The following DHRS7B variants were observed in gnomAD, a reference collection of about 807,000 sequenced individuals.
DHRS7B encodes dehydrogenase/reductase 7B.
Under a neutral mutation model 26.4 loss-of-function variants are expected in DHRS7B, and 24 were observed. The observed-to-expected ratio is 0.91, with a 90% CI of 0.66 to 1.28. The LOEUF (loss-of-function observed/expected upper bound fraction) is 1.28, where lower values mean the gene tolerates loss of function less well. Among genes scored for constraint, DHRS7B ranks in the 50% most tolerant of loss-of-function variants. The pLI is 0.00. For missense variants in DHRS7B, 368 were observed against 419.4 expected (o/e 0.88, Z 1.07); for synonymous variants, 142 against 166.4 (o/e 0.85, Z 1.13).
At chr17:21,176,265 G>C (rs954423678) in intron 2 of DHRS7B, among the ~76,000 whole-genome samples, 1 of 152,016 alleles carries the variant, frequency 6.6e-6, no homozygotes, top group Non-Finnish European at 1.5e-5. Flanking sequence ...TGAGATTACA[G>C]GCATGAGCCA....
At chr17:21,138,066 T>TTAAAAC (rs71357468) in intron 1 of DHRS7B, among the ~76,000 whole-genome samples, 1 of 35,230 alleles carries the variant, frequency 2.8e-5, no homozygotes, top group Non-Finnish European at 4.8e-5. Context: ...CGGCCTCTTT[T>TTAAAAC]AAAAAAAAAA....
chr17:21,176,225 C>A (rs1033779223), intron 2 of DHRS7B, among the ~76,000 whole-genome samples: 2 of 151,978 alleles, frequency 1.3e-5, no homozygotes, highest in Non-Finnish European at 2.9e-5. Context: ...TGGGCTCAAG[C>A]GATCCTTCTG....
chr17:21,172,950 C>T (rs1430579360), intron 2 of DHRS7B, among the ~76,000 whole-genome samples: 3 of 152,232 alleles, frequency 2.0e-5, no homozygotes, highest in Non-Finnish European at 4.4e-5. Flanking sequence ...TGCACATGCA[C>T]ACACCATACC....
rs142980638 is a variant in DHRS7B, at chr17:21,152,705, A to G, written c.21-19313A>G. Among the ~76,000 whole-genome samples the G allele has an allele frequency of 1.9e-3, 296 of 152,264 alleles. 6 individuals are homozygous for G. The East Asian group carries it at 0.04, about 20-fold the overall frequency. On this transcript the variant is annotated intron_variant, in intron 1 of 6. Transcript: ENST00000395511. ...ACAATGCCTGCCCTCAGGAGAAACTATTTTACCAGAGTCTAACTTACTTTG... is the reference window on the plus strand; with the variant it reads ...ACAATGCCTGCCCTCAGGAGAAACTGTTTTACCAGAGTCTAACTTACTTTG...
chr17:21,150,681 A>T (rs1378986212), intron 1 of DHRS7B, among the ~76,000 whole-genome samples: 3 of 152,242 alleles, frequency 2.0e-5, no homozygotes, highest in Non-Finnish European at 2.9e-5. Context: ...AGTCTGTGAC[A>T]GACATGCCGA....
chr17:21,129,316 C>T (rs1344519226), intron 1 of DHRS7B, among the ~76,000 whole-genome samples: 4 of 151,940 alleles, frequency 2.6e-5, no homozygotes, highest in Admixed American at 6.6e-5. Context: ...ACTTAAAGGA[C>T]TGAGTTGGAG....
At chr17:21,141,296 A>G (rs1973503640) in intron 1 of DHRS7B, among the ~76,000 whole-genome samples, 1 of 152,150 alleles carries the variant, frequency 6.6e-6, no homozygotes, top group African/African-American at 2.4e-5. Context: ...TCATTAACAT[A>G]TGAAAACAGC....
chr17:21,181,104 A>C (rs1375166716), intron 3 of DHRS7B, among the ~76,000 whole-genome samples: 1 of 152,142 alleles, frequency 6.6e-6, no homozygotes, highest in African/African-American at 2.4e-5. Context: ...TATTATTTTT[A>C]GAGACATAGT....
chr17:21,189,338 A>T (rs1974724866), intron 6 of DHRS7B, among the ~76,000 whole-genome samples: 1 of 152,188 alleles, frequency 6.6e-6, no homozygotes, highest in Non-Finnish European at 1.5e-5. Flanking sequence ...CAGCACCTTC[A>T]TCTTGTCTCA....
intron 1 of DHRS7B, among the ~76,000 whole-genome samples, chr17:21,138,307 T>G (rs1973413012): frequency 7.5e-6 from 1 of 133,086 alleles, no homozygotes; most frequent in African/African-American, 2.8e-5. Context: ...AGCTCCAAGC[T>G]CCGCCTCCCG....
intron 1 of DHRS7B, among the ~76,000 whole-genome samples, chr17:21,168,048 G>C (rs1278813549): frequency 2.0e-5 from 3 of 152,182 alleles, no homozygotes; most frequent in African/African-American, 7.2e-5. Context: ...ACAGCAAGGT[G>C]GTGGGGCTTT....
intron 1 of DHRS7B, among the ~76,000 whole-genome samples, chr17:21,134,150 A>G (rs1439269697): frequency 6.6e-6 from 1 of 152,246 alleles, no homozygotes; most frequent in African/African-American, 2.4e-5. Flanking sequence ...CTAGACTCCA[A>G]CAACAGGTTT....
At chr17:21,187,094 G>GAT (rs147554727) in intron 5 of DHRS7B, among the ~76,000 whole-genome samples, 84,143 of 142,994 alleles carry the variant, frequency 0.59, 26,452 homozygotes, top group South Asian at 0.73. Context: ...TGTATTAAAA[G>GAT]ATATATATAT....
At chr17:21,129,717 A>AAAG (rs1242082857) in intron 1 of DHRS7B, among the ~76,000 whole-genome samples, 2 of 151,210 alleles carry the variant, frequency 1.3e-5, no homozygotes, top group Non-Finnish European at 2.9e-5. Context: ...AAAAAAAAAA[A>AAAG]AAAAAAAGAA....
intron 1 of DHRS7B, among the ~76,000 whole-genome samples, chr17:21,129,719 A>G (rs935798668): frequency 3.3e-5 from 5 of 149,766 alleles, no homozygotes; most frequent in Admixed American, 6.6e-5. Flanking sequence ...AAAAAAAAAA[A>G]AAAAAGAAAA....
At chr17:21,140,964 C>T (rs140068273) in intron 1 of DHRS7B, among the ~76,000 whole-genome samples, 1 of 152,118 alleles carries the variant, frequency 6.6e-6, no homozygotes, top group African/African-American at 2.4e-5. Flanking sequence ...TCAATATGTG[C>T]TCCTTGTGGG....
chr17:21,151,891 G>A (rs1266251276), intron 1 of DHRS7B, among the ~76,000 whole-genome samples: 1 of 152,144 alleles, frequency 6.6e-6, no homozygotes, highest in African/African-American at 2.4e-5. Context: ...ATGGTTTAAT[G>A]CCATCCTCCT....
intron 1 of DHRS7B, 49 bp downstream of exon 1, chr17:21,127,040 G>A (rs571131112): frequency 4.1e-6 from 6 of 1,470,454 alleles, no homozygotes; most frequent in East Asian, 2.9e-5. Flanking sequence ...ATAGGGTCTG[G>A]CCTTGAGCTG....
chr17:21,178,833 A>G (rs1345081913), intron 3 of DHRS7B, among the ~76,000 whole-genome samples: 2 of 151,268 alleles, frequency 1.3e-5, no homozygotes, highest in East Asian at 3.9e-4. Flanking sequence ...TGATTTTTGT[A>G]TTTTTTGTAG....
Sources: allele counts gnomAD v4.1 joint callset (sites outside exome capture counted in the v4.1 genomes callset), GRCh38; gene constraint gnomAD v4.1.1; transcripts MANE v1.5; gene names NCBI Gene and HGNC (gene_info 2026-07-23, HGNC 2026-07-21).